The following SNX29 variants were observed in gnomAD, a reference collection of about 807,000 sequenced individuals.
SNX29 encodes the protein sorting nexin-29.
SNX29 carries 78 observed loss-of-function variants against 102.1 expected under a neutral mutation model. That is an observed-to-expected ratio of 0.76 (90% CI 0.64 to 0.92). The LOEUF (loss-of-function observed/expected upper bound fraction) is 0.92, where lower values mean the gene tolerates loss of function less well. Among genes scored for constraint, SNX29 ranks in the 40% least tolerant of loss-of-function variants. SNX29 has a pLI of 0.00. For missense variants in SNX29, 1,280 were observed against 1,061.7 expected, an observed-to-expected ratio of 1.21 and a Z score of -2.86; for synonymous variants, 580 against 414.5, an observed-to-expected ratio of 1.40 and a Z score of -4.85.
intron 13 of SNX29, among the ~76,000 whole-genome samples, chr16:12,198,657 G>A (rs1433047140): frequency 6.6e-6 from 1 of 152,232 alleles, no homozygotes; most frequent in Non-Finnish European, 1.5e-5. Context: ...AAAGCAGATG[G>A]CGAAGAGTCC....
At chr16:12,368,459 A>G (rs998494139) in intron 16 of SNX29, among the ~76,000 whole-genome samples, 1 of 152,214 alleles carries the variant, frequency 6.6e-6, no homozygotes. Flanking sequence ...CCTGTCGGTC[A>G]CTGTGTTTTG....
chr16:11,982,681 G>A (rs555947703), intron 1 of SNX29, among the ~76,000 whole-genome samples: 5 of 152,012 alleles, frequency 3.3e-5, no homozygotes, highest in East Asian at 3.9e-4. Flanking sequence ...CACCTGCCTC[G>A]GCCTCCCAAA....
rs769925769 is a variant in SNX29, at chr16:12,524,854, C to G, written c.2318+13C>G. The G allele has an allele frequency of 1.9e-6, 3 of 1,608,324 alleles. No individual in the cohort carries two copies. Among genetic ancestry groups the G allele is most frequent in the Non-Finnish European group, 2.5e-6 (3 of 1,176,570 alleles). On this transcript the variant is annotated intron_variant, in intron 20 of 20. Coordinates refer to ENST00000566228, the MANE Select transcript of SNX29 (RefSeq NM_032167.5). ...TGCCCTTCTTCGTGTAAGTACTGCT[C>G]CCACGGACATGGGCCGCCAGCCCTG...
At position 12,436,761 on chromosome 16, in the gene SNX29, G is replaced by A. The variant is rs902326471; in HGVS notation, c.2037+33232G>A. On this transcript the variant is annotated intron_variant, in intron 18 of 20. Transcript: ENST00000566228. ...CTCCGCCTCCCGGGTTCAAGCAATT[G>A]TACTGCCTCAGCCTCCCTAGTAGCT... 2.0e-5 allele frequency among the ~76,000 whole-genome samples: 3 copies of A among 152,304 alleles called. No individual in the cohort carries two copies. In the South Asian group the frequency reaches 6.2e-4, roughly 32 times the overall value.
At chr16:12,169,671 C>A (rs2076099468) in intron 13 of SNX29, among the ~76,000 whole-genome samples, 1 of 152,118 alleles carries the variant, frequency 6.6e-6, no homozygotes. Context: ...ACCAGCCTGG[C>A]CAACATGGTG....
intron 18 of SNX29, among the ~76,000 whole-genome samples, chr16:12,438,279 G>A (rs908366443): frequency 1.8e-4 from 28 of 152,170 alleles, no homozygotes; most frequent in African/African-American, 6.5e-4. Context: ...CTGGTTTCTA[G>A]CCAAGGCATC....
At chr16:12,043,310 G>C (rs900803801) in intron 5 of SNX29, among the ~76,000 whole-genome samples, 1 of 152,164 alleles carries the variant, frequency 6.6e-6, no homozygotes, top group Admixed American at 6.5e-5. Context: ...CTTGGATGTG[G>C]AGAGAGCTGT....
At chr16:12,429,393 C>T (rs779258261) in intron 18 of SNX29, among the ~76,000 whole-genome samples, 2 of 152,180 alleles carry the variant, frequency 1.3e-5, no homozygotes, top group Non-Finnish European at 2.9e-5. Flanking sequence ...TAGTTGGAAT[C>T]GTGTCACATG....
At chr16:12,060,570 T>C (rs1390018921) in intron 8 of SNX29, among the ~76,000 whole-genome samples, 1 of 152,216 alleles carries the variant, frequency 6.6e-6, no homozygotes, top group Non-Finnish European at 1.5e-5. Context: ...GCCACTGTAC[T>C]CCAGTGTGGA....
intron 15 of SNX29, among the ~76,000 whole-genome samples, chr16:12,293,207 G>T (rs1447972974): frequency 6.6e-6 from 1 of 152,198 alleles, no homozygotes; most frequent in African/African-American, 2.4e-5. Flanking sequence ...CTCCGAAAGT[G>T]CTGGGGTTAT....
At chr16:12,425,554 T>C (rs67756672) in intron 18 of SNX29, among the ~76,000 whole-genome samples, 1 of 53,180 alleles carries the variant, frequency 1.9e-5, no homozygotes, top group East Asian at 1.1e-3. Context: ...ATAAAAAAAA[T>C]AAAAAGAGGG....
At chr16:12,119,099 G>A (rs979268382) in intron 11 of SNX29, among the ~76,000 whole-genome samples, 12 of 152,200 alleles carry the variant, frequency 7.9e-5, no homozygotes, top group African/African-American at 2.7e-4. Context: ...AGTTTACAGT[G>A]TTTAAAAATC....
chr16:12,437,105 A>G (rs1315361069), intron 18 of SNX29, among the ~76,000 whole-genome samples: 1 of 152,272 alleles, frequency 6.6e-6, no homozygotes, highest in African/African-American at 2.4e-5. Flanking sequence ...CAGAGAAAGC[A>G]ACAGCGTGTG....
At chr16:12,274,172 G>T (rs569115387) in intron 14 of SNX29, among the ~76,000 whole-genome samples, 2 of 152,284 alleles carry the variant, frequency 1.3e-5, no homozygotes, top group African/African-American at 4.8e-5. Context: ...CCTCTCACGT[G>T]GCTTGCCTGG....
rs1231869178 is a variant in SNX29 at position 12,564,145 on chromosome 16, TG to T, written c.2319-4358del. Among the ~76,000 whole-genome samples the T allele has an allele frequency of 3.9e-5, 6 of 152,160 alleles. No homozygotes were observed. The East Asian group carries it at 9.6e-4, about 24-fold the overall frequency. ...GGATCGTGCCTATAATCCCAGCACT[TG>T]GGAGGCCTGAGGTAGAGGATTGCTT... On this transcript the variant is annotated intron_variant, in intron 20 of 20. Transcript: ENST00000566228.
chr16:12,205,360 T>C (rs1418846526), intron 14 of SNX29, among the ~76,000 whole-genome samples: 1 of 152,202 alleles, frequency 6.6e-6, no homozygotes, highest in Non-Finnish European at 1.5e-5. Context: ...GGAATAAACA[T>C]GGAACCTCAT....
chr16:12,190,349 C>G (rs1438388268), intron 13 of SNX29, among the ~76,000 whole-genome samples: 1 of 151,876 alleles, frequency 6.6e-6, no homozygotes, highest in Admixed American at 6.6e-5. Flanking sequence ...AAGACATGGC[C>G]ACTGTCTTCA....
At position 12,477,949 on chromosome 16, in the gene SNX29, C is replaced by T. The variant is rs928048307; in HGVS notation, c.2178+90C>T. On this transcript the variant is annotated intron_variant, in intron 19 of 20. Transcript: ENST00000566228. ...TTCTTTAGTCCGTTGCTTAAAAACACATGCTCCTTAAAGAAAAGTTGGTGG... is the reference window on the plus strand; with the variant it reads ...TTCTTTAGTCCGTTGCTTAAAAACATATGCTCCTTAAAGAAAAGTTGGTGG... The T allele has an allele frequency of 1.2e-5, 17 of 1,408,998 alleles. No homozygotes were observed. In the Middle Eastern group the frequency reaches 5.5e-4, roughly 46 times the overall value. The allele number at this position is 1,408,998 out of a possible 1,614,324, so 87.3% of individuals were successfully genotyped here. A position where few individuals can be genotyped will look rare whatever the true frequency, so the allele number is the denominator to read the frequency against.
chr16:12,137,757 A>G (rs1304914860), intron 13 of SNX29, among the ~76,000 whole-genome samples: 1 of 152,250 alleles, frequency 6.6e-6, no homozygotes, highest in Non-Finnish European at 1.5e-5. Context: ...TTATATTTTT[A>G]TCACAAGAGT....
Sources: gnomAD v4.1 joint callset for allele counts (sites outside exome capture counted in the v4.1 genomes callset) on GRCh38, gnomAD v4.1.1 for gene constraint, MANE v1.5 for transcripts, NCBI Gene and HGNC (gene_info 2026-07-23, HGNC 2026-07-21) for gene names.